RGCC: variants seen among roughly 807,000 people sequenced by gnomAD.
RGCC encodes regulator of cell cycle, also known as regulator of cell cycle RGCC.
Under a neutral mutation model 15.4 loss-of-function variants are expected in RGCC, and 15 were observed. The observed-to-expected ratio is 0.97, with a 90% CI of 0.65 to 1.50. The LOEUF (loss-of-function observed/expected upper bound fraction) is 1.50. RGCC is among the 40% of genes most tolerant of loss of function. RGCC has a pLI of 0.00. For synonymous variants in RGCC, 81 were observed against 78.0 expected, an observed-to-expected ratio of 1.04 and a Z score of -0.20; for missense variants, 176 against 189.7, an observed-to-expected ratio of 0.93 and a Z score of 0.42.
rs2139572203 is a variant in RGCC at position 41,458,700 on chromosome 13, T to G, written c.235+230T>G. 6.6e-6 allele frequency among the ~76,000 whole-genome samples: 1 copy of G among 152,298 alleles called. No individual in the cohort carries two copies. Among genetic ancestry groups the G allele is most frequent in the South Asian group, 2.1e-4 (1 of 4,818 alleles). On this transcript the variant is annotated intron_variant, in intron 2 of 4. Coordinates refer to ENST00000379359, the MANE Select transcript of RGCC (RefSeq NM_014059.3). The surrounding 1 kb of genome is among the most constrained non-coding windows in gnomAD (Gnocchi z 4.4). The stretch of plus-strand genomic sequence containing the variant: ...GGGTGTGTCACCAGGCAGGCGAGTT[T>G]AAGCAGCTTGTCCCGACTCAGCCAG...
intron 4 of RGCC, among the ~76,000 whole-genome samples, chr13:41,470,026 G>A (rs763233882): frequency 2.1e-4 from 32 of 152,280 alleles, no homozygotes; most frequent in Admixed American, 7.2e-4. Context: ...TCTGTGAGAA[G>A]TATTTAATGC....
chr13:41,465,069 C>T (rs1019321905), intron 2 of RGCC, among the ~76,000 whole-genome samples: 8 of 152,170 alleles, frequency 5.3e-5, no homozygotes, highest in Admixed American at 1.3e-4. Flanking sequence ...AACTCTGATA[C>T]TTTTTGTACT....
At chr13:41,466,418 T>C (rs2043849909) in intron 2 of RGCC, among the ~76,000 whole-genome samples, 1 of 152,112 alleles carries the variant, frequency 6.6e-6, no homozygotes, top group South Asian at 2.1e-4. Context: ...AGACAGAGTC[T>C]CACTCTGTCA....
At chr13:41,466,775 T>C (rs767280800) in intron 2 of RGCC, 48 bp from the exon 3 acceptor site, 2 of 1,292,302 alleles carry the variant, frequency 1.5e-6, no homozygotes, top group East Asian at 4.6e-5. Flanking sequence ...GCTAAGTCTA[T>C]AATCTCATGA....
intron 2 of RGCC, among the ~76,000 whole-genome samples, chr13:41,462,186 G>C (rs17062221): frequency 0.012 from 1,764 of 152,200 alleles, 32 homozygotes; most frequent in African/African-American, 0.039. Context: ...GTGTGGGATC[G>C]TTCTATATTT....
At chr13:41,460,343 C>A (rs536573091) in intron 2 of RGCC, among the ~76,000 whole-genome samples, 9 of 152,240 alleles carry the variant, frequency 5.9e-5, no homozygotes, top group African/African-American at 2.2e-4. Context: ...CATTTGTTAT[C>A]CTCGTTTGTC....
At chr13:41,460,986 T>G (rs552771842) in intron 2 of RGCC, among the ~76,000 whole-genome samples, 16 of 152,166 alleles carry the variant, frequency 1.1e-4, no homozygotes, top group African/African-American at 3.6e-4. Context: ...AAAATTTAGG[T>G]TGCTTGCACC....
chr13:41,467,960 G>T (rs1312377040), intron 3 of RGCC, among the ~76,000 whole-genome samples: 1 of 152,188 alleles, frequency 6.6e-6, no homozygotes, highest in Non-Finnish European at 1.5e-5. Context: ...TAGCCAGCAG[G>T]TGTTAATTAA....
At chr13:41,459,903 C>T (rs1387488769) in intron 2 of RGCC, among the ~76,000 whole-genome samples, 1 of 152,220 alleles carries the variant, frequency 6.6e-6, no homozygotes, top group East Asian at 1.9e-4. Flanking sequence ...AGAACAGCTC[C>T]TTTCTAAGCA....
intron 2 of RGCC, among the ~76,000 whole-genome samples, chr13:41,463,287 TCACAGGGTGCGCCTCAGCTG>T (rs2043830676): frequency 6.7e-6 from 1 of 149,944 alleles, no homozygotes; most frequent in Non-Finnish European, 1.5e-5. Flanking sequence ...GTAGATATCA[TCACAGGGTGCGCCTCAGCTG>T]CAGCAGGTTT....
chr13:41,470,604 C>T lies in RGCC; in HGVS notation c.*119C>T. ...GGGACAAAGACGTGCACTCAACCTT[C>T]TACCAGGCCACTCTCAGGCTCACCT... is the stretch of plus-strand genomic sequence containing the variant. On this transcript the variant is annotated 3_prime_UTR_variant, in exon 5 of 5. Coordinates refer to ENST00000379359, the MANE Select transcript of RGCC (RefSeq NM_014059.3). The T allele has an allele frequency of 1.0e-6, 1 of 987,266 alleles. No homozygotes were observed. Among genetic ancestry groups the T allele is most frequent in the South Asian group, 1.3e-5 (1 of 75,812 alleles). 61.2% of individuals were successfully genotyped at this position (987,266 alleles called of 1,614,324 possible).
chr13:41,457,971 G>T lies in RGCC; in HGVS notation c.49+215G>T, dbSNP rs2043800920. ...TCCCTCCACCACCAGCTCCGCGCGC[G>T]CCCGGGGTTGGGGGGAGCGGCGGGG... On this transcript the variant is annotated intron_variant, in intron 1 of 4. Coordinates refer to ENST00000379359, the MANE Select transcript of RGCC (RefSeq NM_014059.3). This position sits in a 1 kb window ranked among gnomAD's most constrained non-coding sequence, Gnocchi z 4.9. Among the ~76,000 whole-genome samples, 3 of 151,864 alleles carry T rather than the reference G, an allele frequency of 2.0e-5. No individual in the cohort carries two copies. Among genetic ancestry groups the T allele is most frequent in the Admixed American group, 2.0e-4 (3 of 15,268 alleles).
chr13:41,462,090 C>T (rs1201876724), intron 2 of RGCC, among the ~76,000 whole-genome samples: 21 of 152,180 alleles, frequency 1.4e-4, no homozygotes, highest in Admixed American at 5.2e-4. Flanking sequence ...TCAACCCACA[C>T]CCCCAGCCAT....
At chr13:41,459,470 C>A (rs2043810130) in intron 2 of RGCC, among the ~76,000 whole-genome samples, 1 of 152,122 alleles carries the variant, frequency 6.6e-6, no homozygotes, top group African/African-American at 2.4e-5. Flanking sequence ...ATTTTGAAAC[C>A]TGGAGCTCTT....
chr13:41,462,176 G>A (rs1200725306), intron 2 of RGCC, among the ~76,000 whole-genome samples: 1 of 152,126 alleles, frequency 6.6e-6, no homozygotes, highest in African/African-American at 2.4e-5. Context: ...TGCTTTAAAC[G>A]TGTGGGATCG....
At position 41,458,073 on chromosome 13, in the gene RGCC, A is replaced by C. The variant is rs915417102; in HGVS notation, c.50-212A>C. 2.6e-5 allele frequency among the ~76,000 whole-genome samples: 4 copies of C among 152,178 alleles called. No homozygotes were observed. Among genetic ancestry groups the C allele is most frequent in the South Asian group, 2.1e-4 (1 of 4,834 alleles). ...GTGACCCTGGGCCTGGCGAAGGCTCAGTTTTCTTGTCTGTAAAACGGACTT... is the reference window on the plus strand; with the variant it reads ...GTGACCCTGGGCCTGGCGAAGGCTCCGTTTTCTTGTCTGTAAAACGGACTT... On this transcript the variant is annotated intron_variant, in intron 1 of 4. Transcript: ENST00000379359. This position sits in a 1 kb window ranked among gnomAD's most constrained non-coding sequence, Gnocchi z 4.4.
In RGCC at chr13:41,458,720, A is replaced by T. The variant is rs2043806664; in HGVS notation, c.235+250A>T. 6.6e-6 allele frequency among the ~76,000 whole-genome samples: 1 copy of T among 152,128 alleles called. No homozygotes were observed. The highest frequency in any genetic ancestry group is 6.5e-5 in the Admixed American group (1 of 15,288). On this transcript the variant is annotated intron_variant, in intron 2 of 4. Coordinates refer to ENST00000379359, the MANE Select transcript of RGCC (RefSeq NM_014059.3). The surrounding 1 kb of genome is among the most constrained non-coding windows in gnomAD (Gnocchi z 4.4). ...GAGTTTAAGCAGCTTGTCCCGACTC[A>T]GCCAGACAGGACTCCCTGGACCTGC...
At position 41,468,755 on chromosome 13, in the gene RGCC, T is replaced by TCTCC; in HGVS notation, c.344-17_344-14dup. 7 of 1,583,304 alleles carry TCTCC rather than the reference T, an allele frequency of 4.4e-6. No individual in the cohort carries two copies. The East Asian group carries it at 1.6e-4, about 35-fold the overall frequency. On this transcript the variant is annotated intron_variant, in intron 3 of 4. Transcript: ENST00000379359. ...AAACTGAACTCTCTCTCTCTCTCTC[T>TCTCC]CTCCCTCTCCTGTTTCACAGCTAAA...
In RGCC at chr13:41,469,286, TAATAATAATAAGAAGAAG is replaced by T. The variant is rs1199645576; in HGVS notation, c.406+451_406+468del. ...ATAGTAATAATAATAATAATAATAATAATAATAATAAGAAGAAGAAGAAGAAGAAGAAGAAGAAGAAGA... is the reference window on the plus strand; with the variant it reads ...ATAGTAATAATAATAATAATAATAATAAGAAGAAGAAGAAGAAGAAGAAGA... On this transcript the variant is annotated intron_variant, in intron 4 of 4. Transcript: ENST00000379359. Among the ~76,000 whole-genome samples the T allele has an allele frequency of 1.4e-3, 154 of 113,972 alleles. 3 individuals carry two copies. The highest frequency in any genetic ancestry group is 3.4e-3 in the East Asian group (14 of 4,144). The allele number at this position is 113,972 out of a possible 152,430, so 74.8% of individuals were successfully genotyped here. A position where few individuals can be genotyped will look rare whatever the true frequency, so the allele number is the denominator to read the frequency against.
Sources: allele counts gnomAD v4.1 joint callset (sites outside exome capture counted in the v4.1 genomes callset), GRCh38; gene constraint gnomAD v4.1.1; non-coding constraint Gnocchi (gnomAD v3.1); transcripts MANE v1.5; gene names NCBI Gene and HGNC (gene_info 2026-07-23, HGNC 2026-07-21).